Variants in TTC34 observed in about 807,000 individuals in gnomAD.
The protein encoded by TTC34 is tetratricopeptide repeat protein 34.
Under a neutral mutation model 40.7 loss-of-function variants are expected in TTC34, and 44 were observed. The ratio of observed to expected loss-of-function variants is 1.08; its 90% CI spans 0.85 to 1.39. The LOEUF is 1.39. TTC34 is among the 40% of genes most tolerant of loss of function. The pLI, the probability that TTC34 is intolerant of heterozygous loss-of-function variation, is 0.00. For missense variants in TTC34, 884 were observed against 838.0 expected (o/e 1.05, Z -0.68); for synonymous variants, 422 against 398.6 (o/e 1.06, Z -0.70).
chr1:2,800,877 G>T lies in TTC34; in HGVS notation c.-41-9C>A, dbSNP rs565835724. The T allele has an allele frequency of 1.0e-5, 4 of 398,566 alleles. No homozygotes were observed. Among genetic ancestry groups the T allele is most frequent in the South Asian group, 1.3e-4 (1 of 7,836 alleles). The allele number at this position is 398,566 out of a possible 1,614,324, so 24.7% of individuals were successfully genotyped here. Reference sequence around the variant, plus strand: ...TCTGGTCCTCAGAGTACCTGGGGGTGGGGGAGCATGGTGAGTCCACAGAGG... The same window carrying T: ...TCTGGTCCTCAGAGTACCTGGGGGTTGGGGAGCATGGTGAGTCCACAGAGG... On this transcript the variant is annotated splice_polypyrimidine_tract_variant and intron_variant, in intron 1 of 8. Coordinates refer to ENST00000401095, the Ensembl canonical transcript of TTC34.
chr1:2,695,260 G>C (rs1298607215), intron 6 of TTC34, among the ~76,000 whole-genome samples: 2 of 104,506 alleles, frequency 1.9e-5, no homozygotes, highest in Non-Finnish European at 3.9e-5. Context: ...CTGACAGCCT[G>C]CAACAGCACC....
intron 6 of TTC34, among the ~76,000 whole-genome samples, chr1:2,682,090 T>G (rs1305974773): frequency 7.4e-6 from 1 of 134,504 alleles, no homozygotes; most frequent in Non-Finnish European, 1.6e-5. Context: ...TCTGACAGCC[T>G]GGAGCAGCAC....
intron 6 of TTC34, among the ~76,000 whole-genome samples, chr1:2,753,835 AG>A (rs1641411862): frequency 1.0e-5 from 1 of 95,860 alleles, no homozygotes; most frequent in Non-Finnish European, 1.8e-5. Context: ...TGAGCATCGG[AG>A]AGTCTGGAGC....
chr1:2,645,029 C>T lies in TTC34; in HGVS notation c.2497+264G>A, dbSNP rs556549524. Among the ~76,000 whole-genome samples, 2 of 152,086 alleles carry T rather than the reference C, an allele frequency of 1.3e-5. No homozygotes were observed. The highest frequency in any genetic ancestry group is 2.9e-5 in the Non-Finnish European group (2 of 68,006). ...GAATGAGGGGGCTGAGGGTCCAAGA[C>T]CTTTCAAAGACCAAGATCACCCCTC... On this transcript the variant is annotated intron_variant, in intron 7 of 8. Transcript: ENST00000401095. This position sits in a 1 kb window ranked among gnomAD's most constrained non-coding sequence, Gnocchi z 4.7.
intron 6 of TTC34, among the ~76,000 whole-genome samples, chr1:2,754,700 TCC>T (rs1641445671): frequency 2.7e-5 from 1 of 37,126 alleles, no homozygotes; most frequent in Non-Finnish European, 4.5e-5. Context: ...CACCCACACC[TCC>T]AGGCGAGCAT....
At chr1:2,686,463 C>A (rs1347031739) in intron 6 of TTC34, among the ~76,000 whole-genome samples, 1 of 141,548 alleles carries the variant, frequency 7.1e-6, no homozygotes, top group Non-Finnish European at 1.5e-5. Flanking sequence ...ATCTGACAGA[C>A]TGGAACAGCA....
chr1:2,673,388 A>C (rs1639771486), intron 6 of TTC34, among the ~76,000 whole-genome samples: 1 of 73,158 alleles, frequency 1.4e-5, no homozygotes, highest in African/African-American at 4.9e-5. Flanking sequence ...CTGGGTCGGC[A>C]CCCACACCCC....
Position 2,644,251 on chromosome 1 carries a change from G to C in TTC34, c.2712+13C>G. 1 of 1,529,572 alleles carries C rather than the reference G, an allele frequency of 6.5e-7. No individual in the cohort carries two copies. Among genetic ancestry groups the C allele is most frequent in the Non-Finnish European group, 8.8e-7 (1 of 1,142,702 alleles). 94.8% of individuals were successfully genotyped at this position (1,529,572 alleles called of 1,614,324 possible). ...AAGGTTGGGGTGGGAGATCTGTGGG[G>C]TTCTTTGGGCACCTGGGCAAGGCTC... On this transcript the variant is annotated intron_variant, in intron 8 of 8. Coordinates refer to ENST00000401095, the Ensembl canonical transcript of TTC34.
intron 6 of TTC34, among the ~76,000 whole-genome samples, chr1:2,682,137 G>T (rs1462746197): frequency 1.6e-5 from 2 of 127,828 alleles, no homozygotes; most frequent in African/African-American, 2.8e-5. Context: ...GCCTGGAACA[G>T]CACCCTGCAC....
chr1:2,644,336 G>C (rs984746810), exon 8 of TTC34: 59 of 1,535,770 alleles, frequency 3.8e-5, no homozygotes, highest in Non-Finnish European at 5.1e-5. Context: ...CATCCACCTC[G>C]GCCAGGCTCT....
chr1:2,757,601 G>T (rs1307326696), intron 6 of TTC34, among the ~76,000 whole-genome samples: 3 of 132,162 alleles, frequency 2.3e-5, no homozygotes, highest in East Asian at 2.3e-4. Context: ...CGCCAGGCGA[G>T]CATCCGCCAG....
chr1:2,673,245 A>G (rs1178817097), intron 6 of TTC34, among the ~76,000 whole-genome samples: 40 of 76,896 alleles, frequency 5.2e-4, no homozygotes, highest in African/African-American at 1.6e-3. Context: ...CCCCCAGGCG[A>G]GCATCTGACA....
At chr1:2,779,188 C>T (rs1643433291) in intron 6 of TTC34, among the ~76,000 whole-genome samples, 1 of 152,200 alleles carries the variant, frequency 6.6e-6, no homozygotes, top group African/African-American at 2.4e-5. Flanking sequence ...ACCTGGGTGC[C>T]TTCCACCTCC....
intron 6 of TTC34, among the ~76,000 whole-genome samples, chr1:2,687,426 G>T (rs1463796453): frequency 3.3e-4 from 47 of 141,456 alleles, no homozygotes; most frequent in African/African-American, 1.3e-3. Context: ...GCATCTGATG[G>T]TCTGGAGCAG....
At chr1:2,764,449 G>T (rs1319250394) in intron 6 of TTC34, among the ~76,000 whole-genome samples, 1 of 136,444 alleles carries the variant, frequency 7.3e-6, no homozygotes, top group Non-Finnish European at 1.6e-5. Context: ...ACAGCCTGGG[G>T]CAGTGCCCAC....
Position 2,645,508 on chromosome 1 carries a change from G to A in TTC34, c.2282C>T (p.Pro761Leu). 6.6e-7 allele frequency: 1 copy of A among 1,506,122 alleles called. No homozygotes were observed. 93.3% of individuals were successfully genotyped at this position (1,506,122 alleles called of 1,614,324 possible). A position where few individuals can be genotyped will look rare whatever the true frequency, so the allele number is the denominator to read the frequency against. ...TTCCGGCTTCAGAGAGCGGAGCTCA[G>A]GGACCACAGTCCCGGGGCCGAGCTT... The change falls in exon 7 of 9, where the codon CCT (proline) becomes CTT (leucine). Residue 761 changes from proline to leucine, a missense_variant. Pro to Leu is a moderately conservative substitution (Grantham distance 98). Coordinates refer to ENST00000401095, the Ensembl canonical transcript of TTC34. The surrounding 1 kb of genome is among the most constrained non-coding windows in gnomAD (Gnocchi z 4.7).
At chr1:2,700,526 AC>A (rs1330410550) in intron 6 of TTC34, among the ~76,000 whole-genome samples, 10 of 86,502 alleles carry the variant, frequency 1.2e-4, no homozygotes, top group Admixed American at 2.8e-4. Flanking sequence ...CTGGAACAGA[AC>A]CCCACTCTTC....
At chr1:2,657,416 AGTAC>A (rs1639387481) in intron 6 of TTC34, among the ~76,000 whole-genome samples, 1 of 74,134 alleles carries the variant, frequency 1.3e-5, no homozygotes, top group Non-Finnish European at 3.3e-5. Context: ...GAGCAGTACC[AGTAC>A]CCCCAGGCGA....
chr1:2,754,814 C>A, intron 6 of TTC34, among the ~76,000 whole-genome samples: 1 of 152,032 alleles, frequency 6.6e-6, no homozygotes, highest in Non-Finnish European at 1.5e-5. Flanking sequence ...GAACAGAAAC[C>A]ACACCCCCAG....
Sources: gnomAD v4.1 joint callset for allele counts (sites outside exome capture counted in the v4.1 genomes callset) on GRCh38, gnomAD v4.1.1 for gene constraint, Gnocchi (gnomAD v3.1) non-coding constraint, MANE v1.5 for transcripts, NCBI Gene and HGNC (gene_info 2026-07-23, HGNC 2026-07-21) for gene names.